The following CNTNAP2 variants were observed in gnomAD, a reference collection of about 807,000 sequenced individuals.
CNTNAP2 encodes contactin-associated protein-like 2.
CNTNAP2 carries 98 observed loss-of-function variants against 155.2 expected under a neutral mutation model. That is an observed-to-expected ratio of 0.63 (90% CI 0.54 to 0.75). CNTNAP2 has a LOEUF of 0.75. Among genes scored for constraint, CNTNAP2 ranks in the 30% least tolerant of loss-of-function variants. CNTNAP2 has a pLI of 0.00. For missense variants in CNTNAP2, 1,727 were observed against 1,688.1 expected, an observed-to-expected ratio of 1.02 and a Z score of -0.40; for synonymous variants, 651 against 631.2, an observed-to-expected ratio of 1.03 and a Z score of -0.47.
chr7:146,302,804 T>C (rs896527741), intron 1 of CNTNAP2, among the ~76,000 whole-genome samples: 4 of 152,152 alleles, frequency 2.6e-5, no homozygotes, highest in African/African-American at 9.7e-5. Context: ...ACTTTGCTCT[T>C]ACAGACATGT....
intron 9 of CNTNAP2, among the ~76,000 whole-genome samples, chr7:147,344,169 A>T (rs1337849509): frequency 1.3e-5 from 2 of 152,124 alleles, no homozygotes; most frequent in African/African-American, 4.8e-5. Flanking sequence ...GACTCCAAAG[A>T]ATGAGCAGTT....
At chr7:148,165,304 T>A (rs1290029259) in intron 17 of CNTNAP2, among the ~76,000 whole-genome samples, 1 of 152,160 alleles carries the variant, frequency 6.6e-6, no homozygotes, top group East Asian at 1.9e-4. Flanking sequence ...TTGGATTAGG[T>A]CTCACCTTTA....
At chr7:146,242,589 T>G (rs1054690171) in intron 1 of CNTNAP2, among the ~76,000 whole-genome samples, 3 of 150,904 alleles carry the variant, frequency 2.0e-5, no homozygotes, top group African/African-American at 7.3e-5. Flanking sequence ...CCTAAAAACA[T>G]GGATACCCAA....
At chr7:147,221,119 AGT>A (rs756916066) in intron 8 of CNTNAP2, among the ~76,000 whole-genome samples, 56 of 147,970 alleles carry the variant, frequency 3.8e-4, no homozygotes, top group South Asian at 8.5e-4. Context: ...CTTCATGGGT[AGT>A]GTGAGTAACT....
chr7:147,235,284 G>A (rs1803774013), intron 8 of CNTNAP2, among the ~76,000 whole-genome samples: 1 of 151,812 alleles, frequency 6.6e-6, no homozygotes, highest in African/African-American at 2.4e-5. Flanking sequence ...AGACTTGCGA[G>A]GTTCTGTGAT....
intron 8 of CNTNAP2, among the ~76,000 whole-genome samples, chr7:147,277,405 A>G (rs62484994): frequency 0.21 from 31,755 of 151,870 alleles, 3,629 homozygotes; most frequent in Non-Finnish European, 0.24. Context: ...CAGAAGAACC[A>G]TAGCATTACA....
chr7:147,370,517 T>C (rs532605685), intron 9 of CNTNAP2, among the ~76,000 whole-genome samples: 14 of 152,032 alleles, frequency 9.2e-5, no homozygotes, highest in Admixed American at 3.9e-4. Context: ...AAATTAACCA[T>C]GATGGGAGTA....
chr7:146,736,914 A>T (rs1193292285), intron 1 of CNTNAP2, among the ~76,000 whole-genome samples: 1 of 152,136 alleles, frequency 6.6e-6, no homozygotes, highest in Non-Finnish European at 1.5e-5. Flanking sequence ...ATATAATTTT[A>T]AAATATACAC....
intron 15 of CNTNAP2, among the ~76,000 whole-genome samples, chr7:147,985,505 T>C (rs1801604501): frequency 6.8e-6 from 1 of 146,712 alleles, no homozygotes. Flanking sequence ...TACTCTTACA[T>C]GAAGGGCTGG....
At chr7:147,596,556 G>A (rs749032425) in intron 12 of CNTNAP2, among the ~76,000 whole-genome samples, 1 of 152,040 alleles carries the variant, frequency 6.6e-6, no homozygotes, top group African/African-American at 2.4e-5. Context: ...CTCAAACCTT[G>A]TGCAGAATGG....
chr7:146,489,186 C>T (rs569186310), intron 1 of CNTNAP2, among the ~76,000 whole-genome samples: 2 of 152,106 alleles, frequency 1.3e-5, no homozygotes, highest in South Asian at 4.2e-4. Flanking sequence ...TCACATGTAC[C>T]CTATAAATAT....
At chr7:146,382,163 A>G (rs934539391) in intron 1 of CNTNAP2, among the ~76,000 whole-genome samples, 2 of 152,196 alleles carry the variant, frequency 1.3e-5, no homozygotes, top group African/African-American at 4.8e-5. Context: ...TAAAGGGTAG[A>G]CTGAAAGAAT....
At chr7:147,130,174 G>C (rs1358117125) in intron 7 of CNTNAP2, among the ~76,000 whole-genome samples, 1 of 152,010 alleles carries the variant, frequency 6.6e-6, no homozygotes, top group Non-Finnish European at 1.5e-5. Flanking sequence ...AACACTGTGG[G>C]AGGCCAAGGC....
intron 1 of CNTNAP2, among the ~76,000 whole-genome samples, chr7:146,204,611 G>A (rs1798918448): frequency 6.6e-6 from 1 of 152,060 alleles, no homozygotes. Flanking sequence ...CCAGTCGTTT[G>A]TTGGTGGTGG....
At position 146,535,382 on chromosome 7, in the gene CNTNAP2, TAA is replaced by T. The variant is rs1290019902; in HGVS notation, c.98-238888_98-238887del. Among the ~76,000 whole-genome samples, 2 of 49,036 alleles carry T rather than the reference TAA, an allele frequency of 4.1e-5. 1 individual carries two copies. The highest frequency in any genetic ancestry group is 6.5e-5 in the Non-Finnish European group (2 of 30,958). 32.2% of individuals were successfully genotyped at this position (49,036 alleles called of 152,430 possible). A position where few individuals can be genotyped will look rare whatever the true frequency, so the allele number is the denominator to read the frequency against. Reference sequence around the variant, plus strand: ...TATATAATGTATATTATATATGATATAATATATGATATATATATTATATATGA... The same window carrying T: ...TATATAATGTATATTATATATGATATTATATGATATATATATTATATATGA... On this transcript the variant is annotated intron_variant, in intron 1 of 23. Coordinates refer to ENST00000361727, the MANE Select transcript of CNTNAP2 (RefSeq NM_014141.6).
At chr7:146,897,685 C>T (rs1374348415) in intron 3 of CNTNAP2, among the ~76,000 whole-genome samples, 2 of 151,990 alleles carry the variant, frequency 1.3e-5, no homozygotes, top group African/African-American at 4.8e-5. Flanking sequence ...TCTTAGTACA[C>T]ATCAGTGATG....
intron 15 of CNTNAP2, among the ~76,000 whole-genome samples, chr7:148,022,038 C>T (rs752637654): frequency 1.3e-5 from 2 of 152,202 alleles, no homozygotes; most frequent in African/African-American, 2.4e-5. Context: ...CTTGCTCTCT[C>T]TCCCTGGACA....
At chr7:147,631,213 C>G (rs995197235) in intron 12 of CNTNAP2, among the ~76,000 whole-genome samples, 1 of 152,094 alleles carries the variant, frequency 6.6e-6, no homozygotes, top group African/African-American at 2.4e-5. Flanking sequence ...ATAACTCAAT[C>G]CCTTTTACAA....
At chr7:146,819,813 G>C (rs1395833744) in intron 2 of CNTNAP2, among the ~76,000 whole-genome samples, 2 of 152,164 alleles carry the variant, frequency 1.3e-5, no homozygotes, top group Admixed American at 1.3e-4. Context: ...AGTCAGCCTT[G>C]ATTCCTTCTT....
Sources: allele counts gnomAD v4.1 joint callset (sites outside exome capture counted in the v4.1 genomes callset), GRCh38; gene constraint gnomAD v4.1.1; transcripts MANE v1.5; gene names NCBI Gene and HGNC (gene_info 2026-07-23, HGNC 2026-07-21).